CDH13: variants seen among roughly 807,000 people sequenced by gnomAD.
The protein encoded by CDH13 is cadherin 13, also known as cadherin-13.
Under a neutral mutation model 63.8 loss-of-function variants are expected in CDH13, and 24 were observed. That is an observed-to-expected ratio of 0.38 (90% CI 0.27 to 0.53). CDH13 has a LOEUF of 0.53. Among genes scored for constraint, CDH13 ranks in the 20% least tolerant of loss-of-function variants. The probability of loss-of-function intolerance (pLI) is 0.85; values close to 1 mark genes in which losing one functional copy is unlikely to be tolerated. For missense variants in CDH13, 1,049 were observed against 903.1 expected (o/e 1.16, Z -2.07); for synonymous variants, 503 against 355.3 (o/e 1.42, Z -4.67).
chr16:82,685,863 A>G (rs1331130050), intron 1 of CDH13, among the ~76,000 whole-genome samples: 1 of 152,226 alleles, frequency 6.6e-6, no homozygotes, highest in Non-Finnish European at 1.5e-5. Context: ...TGTTTTAAGC[A>G]GAGACAGTCC....
intron 5 of CDH13, among the ~76,000 whole-genome samples, chr16:83,310,948 A>C (rs1249602077): frequency 6.6e-6 from 1 of 152,216 alleles, no homozygotes; most frequent in Non-Finnish European, 1.5e-5. Flanking sequence ...ACCTGACAGG[A>C]AGTTCCAGAA....
chr16:82,770,471 G>C (rs2035218899), intron 1 of CDH13, among the ~76,000 whole-genome samples: 1 of 152,068 alleles, frequency 6.6e-6, no homozygotes, highest in South Asian at 2.1e-4. Context: ...TGTTGGTTTA[G>C]TTTTTTTATA....
intron 6 of CDH13, among the ~76,000 whole-genome samples, chr16:83,465,952 C>T (rs574730521): frequency 2.6e-5 from 4 of 152,314 alleles, no homozygotes; most frequent in African/African-American, 7.2e-5. Context: ...CACCCAGAGG[C>T]GATCTGATGT....
chr16:83,312,216 G>A (rs2090016538), intron 5 of CDH13, among the ~76,000 whole-genome samples: 1 of 152,098 alleles, frequency 6.6e-6, no homozygotes, highest in Non-Finnish European at 1.5e-5. Flanking sequence ...AGATACAGAT[G>A]AGCCGGCTCA....
chr16:82,791,019 C>G (rs1055638863), intron 1 of CDH13, among the ~76,000 whole-genome samples: 8 of 152,112 alleles, frequency 5.3e-5, no homozygotes, highest in African/African-American at 1.7e-4. Context: ...GGGCAGATCA[C>G]GAGGTCAGGA....
chr16:82,698,233 C>T (rs2030568318), intron 1 of CDH13, among the ~76,000 whole-genome samples: 2 of 152,134 alleles, frequency 1.3e-5, no homozygotes, highest in Admixed American at 1.3e-4. Flanking sequence ...TGTTTTCTGC[C>T]AGGTTGGAAG....
intron 6 of CDH13, among the ~76,000 whole-genome samples, chr16:83,475,860 C>T (rs1420662244): frequency 6.6e-6 from 1 of 152,208 alleles, no homozygotes; most frequent in Non-Finnish European, 1.5e-5. Context: ...GATGGGATTA[C>T]AGGCATGAGC....
intron 2 of CDH13, among the ~76,000 whole-genome samples, chr16:82,864,228 T>C (rs1009026930): frequency 6.6e-6 from 1 of 152,196 alleles, no homozygotes; most frequent in Non-Finnish European, 1.5e-5. Flanking sequence ...GCAGGGGTAT[T>C]TCTTAGGAGA....
At chr16:82,971,321 T>G (rs1908710452) in intron 2 of CDH13, among the ~76,000 whole-genome samples, 1 of 152,204 alleles carries the variant, frequency 6.6e-6, no homozygotes, top group African/African-American at 2.4e-5. Context: ...GTCACTCTCA[T>G]TCCTGTTCTC....
intron 1 of CDH13, among the ~76,000 whole-genome samples, chr16:82,695,540 C>G (rs1370952116): frequency 1.3e-5 from 2 of 152,156 alleles, no homozygotes; most frequent in East Asian, 3.9e-4. Flanking sequence ...TGTGCTGCTC[C>G]TAACGTAGCT....
intron 3 of CDH13, among the ~76,000 whole-genome samples, chr16:83,087,663 C>T (rs2033674865): frequency 8.3e-6 from 1 of 120,292 alleles, no homozygotes; most frequent in Non-Finnish European, 1.6e-5. Flanking sequence ...GCAAGACTCC[C>T]TCCGTCTCAA....
intron 1 of CDH13, among the ~76,000 whole-genome samples, chr16:82,723,817 G>A (rs75807361): frequency 6.6e-6 from 1 of 152,090 alleles, no homozygotes; most frequent in African/African-American, 2.4e-5. Context: ...ATAAGAAATT[G>A]TGCCATGTGC....
intron 4 of CDH13, among the ~76,000 whole-genome samples, chr16:83,177,387 G>C (rs1218804759): frequency 2.0e-5 from 3 of 152,098 alleles, no homozygotes; most frequent in African/African-American, 7.2e-5. Context: ...CAGCACAAAG[G>C]GGACCCTCAA....
intron 3 of CDH13, among the ~76,000 whole-genome samples, chr16:83,082,589 C>G (rs1005173274): frequency 3.8e-4 from 58 of 152,068 alleles, no homozygotes; most frequent in African/African-American, 1.4e-3. Flanking sequence ...TGCAGTGAGC[C>G]AAGACCATCG....
At chr16:82,851,779 T>C (rs2039499192) in intron 1 of CDH13, among the ~76,000 whole-genome samples, 1 of 152,148 alleles carries the variant, frequency 6.6e-6, no homozygotes, top group Non-Finnish European at 1.5e-5. Context: ...CTTCCAGGAC[T>C]CTGGGTTTGT....
chr16:83,299,470 C>T (rs1193814574), intron 5 of CDH13, among the ~76,000 whole-genome samples: 2 of 152,178 alleles, frequency 1.3e-5, no homozygotes, highest in East Asian at 1.9e-4. Context: ...CATTCTTCCC[C>T]CAAGTCTCCA....
chr16:83,223,038 G>A (rs1039461075), intron 5 of CDH13, among the ~76,000 whole-genome samples: 1 of 145,538 alleles, frequency 6.9e-6, no homozygotes, highest in African/African-American at 2.5e-5. Flanking sequence ...AGATATGTCT[G>A]CTGATATTGC....
chr16:83,200,410 A>G (rs1445462031), intron 4 of CDH13, among the ~76,000 whole-genome samples: 1 of 152,116 alleles, frequency 6.6e-6, no homozygotes, highest in African/African-American at 2.4e-5. Context: ...CTCGTGTTCC[A>G]TGTCTCTAAG....
At chr16:82,817,075 G>A (rs1008932616) in intron 1 of CDH13, among the ~76,000 whole-genome samples, 11 of 152,156 alleles carry the variant, frequency 7.2e-5, no homozygotes, top group African/African-American at 2.6e-4. Flanking sequence ...AAGTGCATTG[G>A]TCAGATTGAG....
Sources: allele counts gnomAD v4.1 joint callset (sites outside exome capture counted in the v4.1 genomes callset), GRCh38; gene constraint gnomAD v4.1.1; transcripts MANE v1.5; gene names NCBI Gene and HGNC (gene_info 2026-07-23, HGNC 2026-07-21).